Variants in ADAMTS6 observed in about 807,000 individuals in gnomAD.
ADAMTS6 encodes ADAM metallopeptidase with thrombospondin type 1 motif 6.
A neutral mutation model predicts 144.3 loss-of-function variants in ADAMTS6; 23 were observed. The ratio of observed to expected loss-of-function variants is 0.16; its 90% CI spans 0.11 to 0.23. The LOEUF (loss-of-function observed/expected upper bound fraction) is 0.23, where lower values mean the gene tolerates loss of function less well. Ranked by LOEUF, ADAMTS6 falls within the 10% of genes least tolerant of loss-of-function variation. ADAMTS6 has a pLI of 1.00. For missense variants in ADAMTS6, 999 were observed against 1,379.6 expected (o/e 0.72, Z 4.37); for synonymous variants, 444 against 457.5 (o/e 0.97, Z 0.38).
intron 22 of ADAMTS6, among the ~76,000 whole-genome samples, chr5:65,185,707 A>C (rs963551905): frequency 2.0e-5 from 3 of 152,236 alleles, no homozygotes; most frequent in African/African-American, 7.2e-5. Context: ...GAGTCACTTC[A>C]AAGACTGGAT....
chr5:65,276,301 T>A (rs564475195), intron 11 of ADAMTS6, among the ~76,000 whole-genome samples: 1 of 152,300 alleles, frequency 6.6e-6, no homozygotes, highest in Admixed American at 6.5e-5. Flanking sequence ...CATATTAACT[T>A]CTCTTTTACA....
chr5:65,376,317 G>A (rs1751540316), intron 7 of ADAMTS6, among the ~76,000 whole-genome samples: 2 of 152,098 alleles, frequency 1.3e-5, no homozygotes, highest in Non-Finnish European at 2.9e-5. Flanking sequence ...CGGACATGGT[G>A]GCACGCGCCT....
chr5:65,229,821 A>T (rs1758006123), intron 15 of ADAMTS6, among the ~76,000 whole-genome samples: 1 of 152,144 alleles, frequency 6.6e-6, no homozygotes, highest in African/African-American at 2.4e-5. Context: ...TTAGGTGGAA[A>T]AGAAAGTGGA....
chr5:65,152,436 TGAATGAAAAGGATTGC>T (rs1260959230), intron 24 of ADAMTS6, among the ~76,000 whole-genome samples: 1 of 38,312 alleles, frequency 2.6e-5, no homozygotes, highest in Non-Finnish European at 1.1e-4. Flanking sequence ...TGGGCCTGGG[TGAATGAAAAGGATTGC>T]TGAGAGTGGC....
rs760341147 is a variant in ADAMTS6, at chr5:65,450,228, C to T, written c.1073+1247G>A. On this transcript the variant is annotated intron_variant, in intron 7 of 24. Transcript: ENST00000381055. ...CAACATATATTAATATAGAACCATACGATTTTATTCAGCAAGCATGTCATA... is the reference window on the plus strand; with the variant it reads ...CAACATATATTAATATAGAACCATATGATTTTATTCAGCAAGCATGTCATA... Among the ~76,000 whole-genome samples, 24 of 152,206 alleles carry T rather than the reference C, an allele frequency of 1.6e-4. 1 individual carries two copies. In the South Asian group the frequency reaches 3.1e-3, roughly 20 times the overall value.
At chr5:65,463,616 G>A (rs1201303303) in intron 3 of ADAMTS6, among the ~76,000 whole-genome samples, 1 of 152,066 alleles carries the variant, frequency 6.6e-6, no homozygotes. Flanking sequence ...AAATTCCTTT[G>A]AGAAGCCCAA....
intron 7 of ADAMTS6, among the ~76,000 whole-genome samples, chr5:65,410,077 C>T (rs1479068028): frequency 6.6e-6 from 1 of 152,084 alleles, no homozygotes; most frequent in African/African-American, 2.4e-5. Context: ...CCTAAAAACA[C>T]TTGTGCTTGA....
At chr5:65,215,203 A>G in intron 19 of ADAMTS6, 121 bp downstream of exon 19, 1 of 1,248,684 alleles carries the variant, frequency 8.0e-7, no homozygotes, top group Non-Finnish European at 1.1e-6. Flanking sequence ...TGGGTAAATC[A>G]TTTTATCTTT....
chr5:65,162,196 T>C (rs1752818425), intron 24 of ADAMTS6, among the ~76,000 whole-genome samples: 1 of 152,212 alleles, frequency 6.6e-6, no homozygotes, highest in African/African-American at 2.4e-5. Context: ...GCAAAGTTTA[T>C]CTATAATGAT....
intron 21 of ADAMTS6, among the ~76,000 whole-genome samples, chr5:65,189,563 C>T (rs145676209): frequency 5.9e-5 from 9 of 152,270 alleles, no homozygotes; most frequent in Non-Finnish European, 8.8e-5. Flanking sequence ...AGCTGTGTTA[C>T]GTAAATCTTA....
chr5:65,173,093 T>C, intron 22 of ADAMTS6, 85 bp from the exon 23 acceptor site: 2 of 1,359,502 alleles, frequency 1.5e-6, no homozygotes, highest in Non-Finnish European at 2.0e-6. Context: ...TGTAAATGTG[T>C]GTTTTAGTAT....
At chr5:65,286,183 T>A (rs2112729234) in intron 11 of ADAMTS6, among the ~76,000 whole-genome samples, 1 of 152,322 alleles carries the variant, frequency 6.6e-6, no homozygotes, top group Admixed American at 6.5e-5. Context: ...TGTCATACCT[T>A]TTTGCTGTCT....
chr5:65,439,951 T>C (rs543463604), intron 7 of ADAMTS6, among the ~76,000 whole-genome samples: 1 of 152,238 alleles, frequency 6.6e-6, no homozygotes, highest in Admixed American at 6.5e-5. Context: ...ACTACAGGCA[T>C]GCGCCACCAT....
At chr5:65,343,829 T>C (rs1561446486) in intron 7 of ADAMTS6, among the ~76,000 whole-genome samples, 3 of 151,916 alleles carry the variant, frequency 2.0e-5, no homozygotes, top group South Asian at 2.1e-4. Context: ...ACCTAGAATA[T>C]ATAAGGAATT....
chr5:65,310,807 T>C (rs1476313199), intron 9 of ADAMTS6, among the ~76,000 whole-genome samples: 4 of 152,196 alleles, frequency 2.6e-5, no homozygotes, highest in African/African-American at 9.6e-5. Context: ...TTAAGTATTA[T>C]CAAAAAGTTC....
At chr5:65,427,423 C>T (rs1349799206) in intron 7 of ADAMTS6, among the ~76,000 whole-genome samples, 1 of 152,038 alleles carries the variant, frequency 6.6e-6, no homozygotes, top group African/African-American at 2.4e-5. Context: ...CCCACCTCAG[C>T]CCTCCAAGTG....
chr5:65,474,343 A>G (rs1760687495), intron 1 of ADAMTS6, among the ~76,000 whole-genome samples: 1 of 152,092 alleles, frequency 6.6e-6, no homozygotes, highest in South Asian at 2.1e-4. Flanking sequence ...TGCCTTTTAA[A>G]CACACTCATA....
At position 65,226,066 on chromosome 5, in the gene ADAMTS6, A is replaced by G; in HGVS notation, c.2067+20T>C. On this transcript the variant is annotated intron_variant, in intron 16 of 24. Coordinates refer to ENST00000381055, the MANE Select transcript of ADAMTS6 (RefSeq NM_197941.4). ...AAAAGTCTCAAAAACCCCAACAGAA[A>G]GGAGTAAAATCTGAGCAACCTTGCA... 3 of 1,589,176 alleles carry G rather than the reference A, an allele frequency of 1.9e-6. No homozygotes were observed. Among genetic ancestry groups the G allele is most frequent in the Non-Finnish European group, 2.6e-6 (3 of 1,165,818 alleles).
At chr5:65,272,465 C>T (rs1419570535) in intron 12 of ADAMTS6, among the ~76,000 whole-genome samples, 1 of 152,062 alleles carries the variant, frequency 6.6e-6, no homozygotes, top group Non-Finnish European at 1.5e-5. Flanking sequence ...GCTGGGACTA[C>T]AGGGGCGGGC....
Sources: allele counts gnomAD v4.1 joint callset (sites outside exome capture counted in the v4.1 genomes callset), GRCh38; gene constraint gnomAD v4.1.1; transcripts MANE v1.5; gene names NCBI Gene and HGNC (gene_info 2026-07-23, HGNC 2026-07-21).